Variants in STARD13 observed in about 807,000 individuals in gnomAD.
STARD13 encodes stAR-related lipid transfer protein 13.
Under a neutral mutation model 106.4 loss-of-function variants are expected in STARD13, and 62 were observed. The ratio of observed to expected loss-of-function variants is 0.58; its 90% CI spans 0.48 to 0.72. The LOEUF is 0.72. Ranked by LOEUF, STARD13 falls within the 30% of genes least tolerant of loss-of-function variation. The pLI is 0.00. For missense variants in STARD13, 1,387 were observed against 1,424.0 expected (o/e 0.97, Z 0.42); for synonymous variants, 565 against 553.0 (o/e 1.02, Z -0.31).
the STARD13 span, among the ~76,000 whole-genome samples, chr13:33,528,257 CATATATATATATAT>C: frequency 5.5e-3 from 509 of 92,900 alleles, 12 homozygotes; most frequent in Middle Eastern, 5.7e-3. Context: ...TATATATATA[CATATATATATATAT>C]ATACTCTTTT....
chr13:33,439,796 C>T, the STARD13 span: 5 of 774,564 alleles, frequency 6.5e-6, no homozygotes, highest in South Asian at 3.2e-5. Flanking sequence ...GAGTTTGAGA[C>T]AAAAAATAAG....
intron 1 of STARD13, among the ~76,000 whole-genome samples, chr13:33,232,718 T>C (rs888181044): frequency 8.5e-5 from 13 of 152,238 alleles, no homozygotes; most frequent in African/African-American, 2.7e-4. Flanking sequence ...GAATTAAAAC[T>C]AGAAACTTAC....
chr13:33,379,066 C>T, the STARD13 span, among the ~76,000 whole-genome samples: 5 of 151,974 alleles, frequency 3.3e-5, no homozygotes, highest in Admixed American at 6.6e-5. Flanking sequence ...GCTGAGATCA[C>T]GCCACTGCAC....
the STARD13 span, among the ~76,000 whole-genome samples, chr13:33,521,566 G>A: frequency 6.6e-6 from 1 of 151,904 alleles, no homozygotes; most frequent in Admixed American, 6.6e-5. Context: ...TTACCATCTT[G>A]GAAGGAATGC....
At chr13:33,542,625 G>T in the STARD13 span, among the ~76,000 whole-genome samples, 1 of 152,190 alleles carries the variant, frequency 6.6e-6, no homozygotes, top group Admixed American at 6.5e-5. Context: ...CGCCGCCCCG[G>T]GTTTCCGCTC....
the STARD13 span, among the ~76,000 whole-genome samples, chr13:33,468,584 C>G: frequency 6.6e-6 from 1 of 151,872 alleles, no homozygotes; most frequent in Non-Finnish European, 1.5e-5. Flanking sequence ...CCCCCTCCCC[C>G]ACTCTCTCTC....
At chr13:33,629,046 G>A in the STARD13 span, among the ~76,000 whole-genome samples, 2 of 152,226 alleles carry the variant, frequency 1.3e-5, no homozygotes, top group African/African-American at 4.8e-5. Context: ...GAGCTTGATT[G>A]TCTGTGAAGG....
chr13:33,508,598 T>A, the STARD13 span, among the ~76,000 whole-genome samples: 2 of 151,912 alleles, frequency 1.3e-5, no homozygotes, highest in Non-Finnish European at 2.9e-5. Context: ...GGAAGTGGAG[T>A]GTTGTAAATG....
At chr13:33,552,171 T>C in the STARD13 span, among the ~76,000 whole-genome samples, 8 of 152,060 alleles carry the variant, frequency 5.3e-5, no homozygotes, top group Non-Finnish European at 1.0e-4. Flanking sequence ...AAGAGAGATA[T>C]AGACAATAAT....
At chr13:33,149,183 T>G (rs534174733) in intron 3 of STARD13, among the ~76,000 whole-genome samples, 5 of 152,244 alleles carry the variant, frequency 3.3e-5, no homozygotes, top group African/African-American at 1.2e-4. Flanking sequence ...AACCCTAATG[T>G]ACACTATGGA....
the STARD13 span, among the ~76,000 whole-genome samples, chr13:33,670,396 G>T: frequency 2.0e-5 from 3 of 152,106 alleles, no homozygotes; most frequent in East Asian, 5.8e-4. Flanking sequence ...CAAAGATCGC[G>T]TTGCATTTTT....
the STARD13 span, among the ~76,000 whole-genome samples, chr13:33,371,077 A>G: frequency 2.0e-5 from 3 of 152,350 alleles, no homozygotes; most frequent in South Asian, 4.1e-4. Flanking sequence ...CTCCTCCTCA[A>G]TAAAAGAAAG....
intron 4 of STARD13, 27 bp downstream of exon 4, chr13:33,142,283 C>T (rs1359528707): frequency 3.8e-6 from 6 of 1,591,066 alleles, no homozygotes; most frequent in Non-Finnish European, 5.2e-6. Flanking sequence ...GGCATAGCCA[C>T]ATTCTTATTA....
intron 1 of STARD13, among the ~76,000 whole-genome samples, chr13:33,294,233 C>T (rs183049954): frequency 1.5e-3 from 234 of 152,354 alleles, no homozygotes; most frequent in African/African-American, 4.6e-3. Flanking sequence ...CGGCACTGAG[C>T]CAGCTACATT....
the STARD13 span, among the ~76,000 whole-genome samples, chr13:33,461,755 G>C: frequency 1.3e-5 from 2 of 151,976 alleles, no homozygotes; most frequent in African/African-American, 4.8e-5. Flanking sequence ...GTTTTTCTTT[G>C]TTTCTGATTG....
chr13:33,370,071 T>C, the STARD13 span, among the ~76,000 whole-genome samples: 1 of 152,244 alleles, frequency 6.6e-6, no homozygotes, highest in South Asian at 2.1e-4. Context: ...ATAGCTTCTC[T>C]GGTGTTTCTG....
intron 1 of STARD13, among the ~76,000 whole-genome samples, chr13:33,214,567 T>C (rs889902792): frequency 6.6e-6 from 1 of 152,160 alleles, no homozygotes; most frequent in African/African-American, 2.4e-5. Context: ...GATAAGTGCA[T>C]CTGCCAGCTC....
intron 1 of STARD13, among the ~76,000 whole-genome samples, chr13:33,189,433 TC>T (rs111360660): frequency 0.39 from 16,923 of 42,920 alleles, 1,562 homozygotes; most frequent in East Asian, 0.51. Context: ...CTTCCTCCTT[TC>T]GGAGGAAGGA....
At chr13:33,316,984 G>A (rs1000458236) in intron 1 of STARD13, among the ~76,000 whole-genome samples, 1 of 152,064 alleles carries the variant, frequency 6.6e-6, no homozygotes, top group Admixed American at 6.6e-5. Context: ...TTTGTCTTCA[G>A]TTGTCTTCTG....
Sources: gnomAD v4.1 joint callset for allele counts (sites outside exome capture counted in the v4.1 genomes callset) on GRCh38, gnomAD v4.1.1 for gene constraint, MANE v1.5 for transcripts, NCBI Gene and HGNC (gene_info 2026-07-23, HGNC 2026-07-21) for gene names.